The following VPS72 variants were observed in gnomAD, a reference collection of about 807,000 sequenced individuals.
VPS72 encodes vacuolar protein sorting-associated protein 72 homolog.
A neutral mutation model predicts 38.9 loss-of-function variants in VPS72; 27 were observed. That is an observed-to-expected ratio of 0.69 (90% CI 0.51 to 0.96). The LOEUF is 0.96. VPS72 is among the 40% of genes least tolerant of loss of function. VPS72 has a pLI of 0.00. For missense variants in VPS72, 360 were observed against 479.5 expected (o/e 0.75, Z 2.33); for synonymous variants, 173 against 186.3 (o/e 0.93, Z 0.58).
chr1:151,190,105 C>A lies in VPS72; in HGVS notation c.17G>T (p.Gly6Val). Residue 6 changes from glycine to valine, a missense_variant, in exon 1 of 6, where the codon GGC becomes GTC. By Grantham distance (109) the Gly-to-Val change is moderately radical (BLOSUM62 -3). This residue lies in a region of VPS72 where 66 missense variants were observed against 123.1 expected (regional missense o/e 0.54). Transcript: ENST00000368892. The stretch of plus-strand genomic sequence containing the variant: ...CCCAGCGGTCTTCCGGGGTGCCCGG[C>A]CCCCAGCCAAACTCATACCGCCTAC... Reference protein sequence around the residue: MSLAGGRAPRKTAGNR... With the variant: MSLAGVRAPRKTAGNR... The A allele has an allele frequency of 6.2e-7, 1 of 1,613,822 alleles. No individual in the cohort carries two copies. Among genetic ancestry groups the A allele is most frequent in the Non-Finnish European group, 8.5e-7 (1 of 1,179,968 alleles).
intron 4 of VPS72, among the ~76,000 whole-genome samples, chr1:151,179,082 G>C (rs1465334894): frequency 2.7e-5 from 4 of 150,882 alleles, no homozygotes; most frequent in Admixed American, 1.3e-4. Context: ...AGGAGTTCAA[G>C]ACCAGCCTGA....
chr1:151,184,667 C>T (rs1684310283), intron 3 of VPS72, among the ~76,000 whole-genome samples, 174 bp from the exon 4 acceptor site: 1 of 151,326 alleles, frequency 6.6e-6, no homozygotes, highest in South Asian at 2.1e-4. Context: ...CTCACTCCAA[C>T]CTCTGCTTCC....
intron 1 of VPS72, among the ~76,000 whole-genome samples, chr1:151,189,134 C>T (rs1260018057): frequency 6.6e-6 from 1 of 152,168 alleles, no homozygotes; most frequent in Non-Finnish European, 1.5e-5. Context: ...CGGCCAAAGC[C>T]ACTGTGCTCG....
At chr1:151,181,868 T>C (rs1016523885) in intron 4 of VPS72, among the ~76,000 whole-genome samples, 4 of 152,092 alleles carry the variant, frequency 2.6e-5, no homozygotes, top group African/African-American at 9.7e-5. Context: ...CCCTCTGGAT[T>C]ACAAACCTAC....
At chr1:151,185,734 G>A (rs754334268) in intron 2 of VPS72, 64 bp downstream of exon 2, 2 of 1,611,096 alleles carry the variant, frequency 1.2e-6, no homozygotes, top group Non-Finnish European at 1.7e-6. Context: ...AGGGAGTACT[G>A]GGACCTGATG....
intron 5 of VPS72, among the ~76,000 whole-genome samples, chr1:151,177,258 G>A (rs1207330756): frequency 1.3e-5 from 2 of 151,950 alleles, no homozygotes; most frequent in African/African-American, 4.8e-5. Flanking sequence ...GGTGGCGGAT[G>A]CCTGTAATCA....
intron 3 of VPS72, among the ~76,000 whole-genome samples, chr1:151,185,077 T>C (rs1368957179): frequency 2.0e-5 from 3 of 152,202 alleles, no homozygotes; most frequent in African/African-American, 7.2e-5. Context: ...TCAGTGTGTA[T>C]TTCCTAAGAA....
chr1:151,183,161 C>T (rs1357791465), intron 4 of VPS72, among the ~76,000 whole-genome samples: 2 of 152,108 alleles, frequency 1.3e-5, no homozygotes, highest in East Asian at 3.9e-4. Flanking sequence ...GTGGCCCAAG[C>T]CTGTAATCCC....
At position 151,185,945 on chromosome 1, in the gene VPS72, G is replaced by A. The variant is rs769829749; in HGVS notation, c.123C>T (p.Ser41=). 31 of 1,613,730 alleles carry A rather than the reference G, an allele frequency of 1.9e-5. No individual in the cohort carries two copies. The East Asian group carries it at 2.0e-4, about 10-fold the overall frequency. Residue 41 remains serine (S), a synonymous_variant, in exon 2 of 6, where the codon TCC becomes TCT. Transcript: ENST00000368892. ...QTTYGGFTEE[S]GDDEYQGDQS... The stretch of plus-strand genomic sequence containing the variant: ...GGTCCCCTTGATACTCATCATCTCC[G>A]GATTCCTAAGGACACAGGGAGATAA...
intron 4 of VPS72, among the ~76,000 whole-genome samples, chr1:151,183,710 C>T (rs903983969): frequency 2.0e-5 from 3 of 152,128 alleles, no homozygotes; most frequent in Non-Finnish European, 4.4e-5. Flanking sequence ...GATCCACCCA[C>T]CTTGGCCTCC....
chr1:151,189,450 T>C (rs1437994556), intron 1 of VPS72, among the ~76,000 whole-genome samples: 8 of 152,156 alleles, frequency 5.3e-5, no homozygotes, highest in Admixed American at 1.3e-4. Context: ...CCAAATCTAA[T>C]TGCAAATTGA....
intron 4 of VPS72, among the ~76,000 whole-genome samples, chr1:151,179,768 T>C (rs587727657): frequency 6.6e-6 from 1 of 151,506 alleles, no homozygotes; most frequent in Non-Finnish European, 1.5e-5. Flanking sequence ...GGTGTATGCC[T>C]ATAATCCCAG....
At chr1:151,185,415 C>G in intron 3 of VPS72, 91 bp downstream of exon 3, 1 of 1,312,756 alleles carries the variant, frequency 7.6e-7, no homozygotes, top group Non-Finnish European at 1.1e-6. Flanking sequence ...AGTGAGCCAC[C>G]GCACCCAGCA....
At position 151,176,879 on chromosome 1, in the gene VPS72, G is replaced by C; in HGVS notation, c.860C>G (p.Pro287Arg). 1 of 1,614,168 alleles carries C rather than the reference G, an allele frequency of 6.2e-7. No individual in the cohort carries two copies. The highest frequency in any genetic ancestry group is 2.2e-5 in the East Asian group (1 of 44,886). Residue 287 changes from proline to arginine, a missense_variant, in exon 6 of 6, where the codon CCT becomes CGT. Coordinates refer to ENST00000368892, the MANE Select transcript of VPS72 (RefSeq NM_005997.3). ...WFPQGRPPKV[P>R]VREVCPVTHR... is the part of the protein sequence containing the mutation. ...GGTCACTGGACAGACCTCACGAACA[G>C]GGACTTTTGGGGGCCGCCCTTGGGG...
intron 4 of VPS72, among the ~76,000 whole-genome samples, 190 bp from the exon 5 acceptor site, chr1:151,178,335 T>C (rs587642526): frequency 1.3e-5 from 2 of 152,332 alleles, no homozygotes; most frequent in African/African-American, 4.8e-5. Flanking sequence ...TATAAGTTTT[T>C]TCTTGACATC....
At chr1:151,185,305 T>C (rs183011221) in intron 3 of VPS72, among the ~76,000 whole-genome samples, 1 of 152,194 alleles carries the variant, frequency 6.6e-6, no homozygotes, top group Admixed American at 6.5e-5. Flanking sequence ...TTTGTATTTT[T>C]AGTAGAGACG....
Position 151,176,706 on chromosome 1 carries a change from G to T in VPS72, c.1033C>A (p.Pro345Thr). 1 of 1,614,194 alleles carries T rather than the reference G, an allele frequency of 6.2e-7. No homozygotes were observed. The highest frequency in any genetic ancestry group is 8.5e-7 in the Non-Finnish European group (1 of 1,180,030). The stretch of plus-strand genomic sequence containing the variant: ...CCAGAGCCAGGGAGGGGCTCAGGAG[G>T]TGGCGGGCCGGGGCCCAGGGCTGAG... Reference protein sequence around the residue: ...TASALGPGPPPPEPLPGSGPR... With the variant: ...TASALGPGPPTPEPLPGSGPR... Residue 345 changes from proline to threonine, a missense_variant, in exon 6 of 6, where the codon CCT (proline) becomes ACT (threonine). Pro to Thr is a conservative substitution (Grantham distance 38, BLOSUM62 -1). This residue lies in a region of VPS72 where 294 missense variants were observed against 356.3 expected (regional missense o/e 0.83). Transcript: ENST00000368892.
At chr1:151,184,574 G>T in intron 3 of VPS72, 81 bp from the exon 4 acceptor site, 2 of 1,378,834 alleles carry the variant, frequency 1.5e-6, no homozygotes, top group Non-Finnish European at 1.9e-6. Flanking sequence ...GTTGTACTTG[G>T]AAATAATTTT....
intron 5 of VPS72, 94 bp from the exon 6 acceptor site, chr1:151,177,125 A>G (rs6656261): frequency 1 from 1,334,849 of 1,340,466 alleles, 664,844 homozygotes; most frequent in East Asian, 1. Flanking sequence ...AGTGGCTCAC[A>G]CCTGTAATTC....
Sources: allele counts gnomAD v4.1 joint callset (sites outside exome capture counted in the v4.1 genomes callset), GRCh38; gene constraint gnomAD v4.1.1; regional missense constraint gnomAD v4.1.1; transcripts MANE v1.5; gene names NCBI Gene and HGNC (gene_info 2026-07-23, HGNC 2026-07-21).